SLC24A3: variants seen among roughly 807,000 people sequenced by gnomAD.
SLC24A3 encodes sodium/potassium/calcium exchanger 3.
Under a neutral mutation model 75.8 loss-of-function variants are expected in SLC24A3, and 28 were observed. The observed-to-expected ratio is 0.37, with a 90% confidence interval of 0.27 to 0.51. The LOEUF is 0.51. SLC24A3 is among the 20% of genes least tolerant of loss of function. The probability of loss-of-function intolerance (pLI) is 0.94; values close to 1 mark genes in which losing one functional copy is unlikely to be tolerated. For missense variants in SLC24A3, 663 were observed against 847.8 expected (o/e 0.78, Z 2.71); for synonymous variants, 372 against 334.1 (o/e 1.11, Z -1.24).
intron 6 of SLC24A3, among the ~76,000 whole-genome samples, chr20:19,646,735 C>T (rs1297718303): frequency 2.0e-5 from 3 of 152,256 alleles, no homozygotes; most frequent in African/African-American, 4.8e-5. Flanking sequence ...ACTAGCCTTA[C>T]CTCCAGGGGA....
intron 9 of SLC24A3, 102 bp downstream of exon 9, chr20:19,673,756 A>G: frequency 1.1e-6 from 1 of 923,368 alleles, no homozygotes; most frequent in South Asian, 1.4e-5. Flanking sequence ...CTGGTTTTTC[A>G]GTGTGTATCA....
At chr20:19,515,402 C>A in intron 2 of SLC24A3, 86 bp from the exon 3 acceptor site, 1 of 1,213,628 alleles carries the variant, frequency 8.2e-7, no homozygotes, top group Admixed American at 1.8e-5. Flanking sequence ...GTTCATGGAC[C>A]CCATGTTAAA....
chr20:19,531,907 G>A (rs1309149863), intron 3 of SLC24A3, among the ~76,000 whole-genome samples: 1 of 152,206 alleles, frequency 6.6e-6, no homozygotes, highest in African/African-American at 2.4e-5. Flanking sequence ...GGTTAAATGA[G>A]TTGCCCCCCC....
chr20:19,712,716 C>T (rs1307241353), intron 15 of SLC24A3, among the ~76,000 whole-genome samples: 1 of 152,198 alleles, frequency 6.6e-6, no homozygotes, highest in South Asian at 2.1e-4. Flanking sequence ...AAAAGTAATA[C>T]ACATTAATAG....
chr20:19,396,024 CACA>C (rs1349843315), intron 2 of SLC24A3, among the ~76,000 whole-genome samples: 3 of 152,236 alleles, frequency 2.0e-5, no homozygotes, highest in African/African-American at 7.2e-5. Flanking sequence ...TGCAACATGA[CACA>C]ACAATGATTA....
At chr20:19,428,541 C>T (rs914852214) in intron 2 of SLC24A3, among the ~76,000 whole-genome samples, 2 of 152,314 alleles carry the variant, frequency 1.3e-5, no homozygotes, top group African/African-American at 4.8e-5. Flanking sequence ...ACATTATTTT[C>T]CCCAAAATGA....
At chr20:19,436,722 T>G (rs1233834772) in intron 2 of SLC24A3, among the ~76,000 whole-genome samples, 1 of 152,174 alleles carries the variant, frequency 6.6e-6, no homozygotes, top group Non-Finnish European at 1.5e-5. Context: ...CTAGGGATAA[T>G]GGGACTCTCT....
chr20:19,463,469 A>T (rs1316779604), intron 2 of SLC24A3, among the ~76,000 whole-genome samples: 1 of 152,220 alleles, frequency 6.6e-6, no homozygotes, highest in African/African-American at 2.4e-5. Context: ...CGCAAGTATC[A>T]AGGCACAGGT....
chr20:19,408,059 C>T (rs536680042), intron 2 of SLC24A3, among the ~76,000 whole-genome samples: 1 of 152,254 alleles, frequency 6.6e-6, no homozygotes, highest in African/African-American at 2.4e-5. Context: ...AAAAGAAGTC[C>T]TCCCTTACCT....
At chr20:19,241,461 C>G (rs771791596) in intron 1 of SLC24A3, among the ~76,000 whole-genome samples, 7 of 152,182 alleles carry the variant, frequency 4.6e-5, no homozygotes, top group Non-Finnish European at 8.8e-5. Context: ...TCAGGCCACT[C>G]GGTTTCTCCA....
At chr20:19,397,095 T>C (rs910115496) in intron 2 of SLC24A3, among the ~76,000 whole-genome samples, 1 of 152,226 alleles carries the variant, frequency 6.6e-6, no homozygotes, top group Non-Finnish European at 1.5e-5. Flanking sequence ...TGTGTTTGTA[T>C]ATGCGTTTGC....
chr20:19,264,739 A>AAC (rs1307582137), intron 1 of SLC24A3, among the ~76,000 whole-genome samples: 5 of 151,218 alleles, frequency 3.3e-5, no homozygotes, highest in East Asian at 2.0e-4. Context: ...AAAAAAAAAA[A>AAC]AAAAAACAAA....
chr20:19,330,173 C>T (rs1000668389), intron 2 of SLC24A3, among the ~76,000 whole-genome samples: 10 of 152,240 alleles, frequency 6.6e-5, no homozygotes, highest in African/African-American at 2.4e-4. Flanking sequence ...GGATGCGGTG[C>T]TGTTGTCTCC....
chr20:19,553,582 T>G (rs1479091914), intron 3 of SLC24A3, among the ~76,000 whole-genome samples: 1 of 152,192 alleles, frequency 6.6e-6, no homozygotes, highest in Admixed American at 6.5e-5. Flanking sequence ...AGCATGGTAC[T>G]CAGTAAATAA....
In SLC24A3 at chr20:19,721,285, C is replaced by T. The variant is rs1465640631; in HGVS notation, c.*145C>T. On this transcript the variant is annotated 3_prime_UTR_variant, in exon 17 of 17. Coordinates refer to ENST00000328041, the MANE Select transcript of SLC24A3 (RefSeq NM_020689.4). Reference sequence around the variant, plus strand: ...GGCCTCCGCTCCTGTTTTGGTGGCCCAGGCTCTCCCCTGACCCATCCTCGC... The same window carrying T: ...GGCCTCCGCTCCTGTTTTGGTGGCCTAGGCTCTCCCCTGACCCATCCTCGC... The T allele has an allele frequency of 2.8e-6, 3 of 1,060,680 alleles. No individual in the cohort carries two copies. Among genetic ancestry groups the T allele is most frequent in the Non-Finnish European group, 4.0e-6 (3 of 741,964 alleles). The allele number at this position is 1,060,680 out of a possible 1,614,324, so 65.7% of individuals were successfully genotyped here.
At chr20:19,450,300 G>A (rs1465851160) in intron 2 of SLC24A3, among the ~76,000 whole-genome samples, 1 of 152,212 alleles carries the variant, frequency 6.6e-6, no homozygotes, top group Non-Finnish European at 1.5e-5. Context: ...CAGCTCTCAT[G>A]TAGGATGGGG....
intron 2 of SLC24A3, among the ~76,000 whole-genome samples, chr20:19,512,501 G>C (rs567202390): frequency 2.0e-5 from 3 of 152,240 alleles, no homozygotes; most frequent in African/African-American, 7.2e-5. Flanking sequence ...CTCCACCAGA[G>C]AACCAGGCCC....
chr20:19,275,242 G>A (rs1258223639), intron 1 of SLC24A3, among the ~76,000 whole-genome samples: 4 of 152,214 alleles, frequency 2.6e-5, no homozygotes, highest in African/African-American at 7.2e-5. Context: ...ACATACCTGA[G>A]CTTTGCAGTC....
At chr20:19,325,959 G>A (rs1441315136) in intron 2 of SLC24A3, among the ~76,000 whole-genome samples, 2 of 151,522 alleles carry the variant, frequency 1.3e-5, no homozygotes, top group Non-Finnish European at 2.9e-5. Flanking sequence ...CTTTATACAC[G>A]AAACAACGTT....
Sources: allele counts gnomAD v4.1 joint callset (sites outside exome capture counted in the v4.1 genomes callset), GRCh38; gene constraint gnomAD v4.1.1; transcripts MANE v1.5; gene names NCBI Gene and HGNC (gene_info 2026-07-23, HGNC 2026-07-21).